ABLIM2: variants seen among roughly 807,000 people sequenced by gnomAD.
ABLIM2 encodes the protein actin-binding LIM protein 2.
A neutral mutation model predicts 97.7 loss-of-function variants in ABLIM2; 53 were observed. The observed-to-expected ratio is 0.54, with a 90% CI of 0.44 to 0.68. ABLIM2 has a LOEUF of 0.68. Among genes scored for constraint, ABLIM2 ranks in the 30% least tolerant of loss-of-function variants. The pLI is 0.00. For missense variants in ABLIM2, 835 were observed against 867.2 expected (o/e 0.96, Z 0.47); for synonymous variants, 361 against 345.8 (o/e 1.04, Z -0.49).
At chr4:8,007,567 C>T (rs1036002774) in intron 16 of ABLIM2, 72 of 986,812 alleles carry the variant, frequency 7.3e-5, no homozygotes, top group Middle Eastern at 1.0e-3. Flanking sequence ...CTTCAAAACA[C>T]CCCTAGGGTC....
chr4:8,090,720 TA>T lies in ABLIM2; in HGVS notation c.339-2437del, dbSNP rs200492022. ...TTAGATTTGTCTTTTTTTTTATTTT[TA>T]TTTTTTTGCGGGATCACAGAGCACA... On this transcript the variant is annotated intron_variant, in intron 3 of 20. Transcript: ENST00000447017. Among the ~76,000 whole-genome samples, 161 of 151,238 alleles carry T rather than the reference TA, an allele frequency of 1.1e-3. 1 individual carries two copies. Among genetic ancestry groups the T allele is most frequent in the African/African-American group, 2.8e-3 (117 of 41,204 alleles).
chr4:8,144,742 C>T (rs913914876), intron 1 of ABLIM2, among the ~76,000 whole-genome samples: 11 of 152,240 alleles, frequency 7.2e-5, no homozygotes, highest in African/African-American at 2.7e-4. Flanking sequence ...AGAGGTGACG[C>T]GGCCCACACT....
At chr4:8,039,683 G>T (rs919376935) in intron 9 of ABLIM2, among the ~76,000 whole-genome samples, 1 of 152,100 alleles carries the variant, frequency 6.6e-6, no homozygotes, top group African/African-American at 2.4e-5. Context: ...ATGGAAGAAC[G>T]TTGCTTTTAT....
intron 1 of ABLIM2, among the ~76,000 whole-genome samples, chr4:8,136,483 C>T (rs765141941): frequency 2.0e-5 from 3 of 152,220 alleles, no homozygotes; most frequent in Non-Finnish European, 4.4e-5. Context: ...CCAATAGATG[C>T]TCTCTGTACC....
chr4:8,134,474 G>C (rs1457066268), intron 1 of ABLIM2, among the ~76,000 whole-genome samples: 2 of 152,200 alleles, frequency 1.3e-5, no homozygotes, highest in East Asian at 3.9e-4. Flanking sequence ...GCCCCCGTCG[G>C]CAAGAAGAAC....
At chr4:8,053,255 C>A (rs1170353442) in intron 8 of ABLIM2, among the ~76,000 whole-genome samples, 1 of 152,236 alleles carries the variant, frequency 6.6e-6, no homozygotes, top group African/African-American at 2.4e-5. Context: ...GACCTGGAAG[C>A]CCCCTCCACG....
At chr4:7,995,179 C>T (rs1196108674) in intron 16 of ABLIM2, among the ~76,000 whole-genome samples, 1 of 152,184 alleles carries the variant, frequency 6.6e-6, no homozygotes, top group African/African-American at 2.4e-5. Context: ...GGGAAGCATT[C>T]TTAAAAGACC....
intron 20 of ABLIM2, among the ~76,000 whole-genome samples, chr4:7,967,319 C>T (rs1239564399): frequency 6.6e-6 from 1 of 152,202 alleles, no homozygotes; most frequent in Non-Finnish European, 1.5e-5. Context: ...ACACAGCACC[C>T]AGTGGTGGAG....
chr4:8,089,340 C>T (rs565255690), intron 3 of ABLIM2, among the ~76,000 whole-genome samples: 9 of 152,310 alleles, frequency 5.9e-5, no homozygotes, highest in South Asian at 4.1e-4. Context: ...AAGCTCCCAG[C>T]AGCCACCGGG....
intron 1 of ABLIM2, among the ~76,000 whole-genome samples, chr4:8,143,839 CACGGCTGCCTGT>C (rs1851386420): frequency 6.6e-6 from 1 of 152,200 alleles, no homozygotes; most frequent in Non-Finnish European, 1.5e-5. Flanking sequence ...TGTTAGAGGA[CACGGCTGCCTGT>C]CAGCCCTGGG....
chr4:8,064,159 G>A (rs1805401781), intron 6 of ABLIM2, among the ~76,000 whole-genome samples: 1 of 152,210 alleles, frequency 6.6e-6, no homozygotes, highest in Non-Finnish European at 1.5e-5. Context: ...AGCGAGACAT[G>A]CTCTTCTGCA....
intron 18 of ABLIM2, 96 bp from the exon 19 acceptor site, chr4:7,983,650 TC>T (rs1429699749): frequency 6.9e-7 from 1 of 1,454,888 alleles, no homozygotes; most frequent in Non-Finnish European, 9.5e-7. Context: ...TACCCCTGTC[TC>T]CCCCCTGCAG....
At chr4:8,047,143 G>C (rs56192722) in intron 8 of ABLIM2, among the ~76,000 whole-genome samples, 7,207 of 152,272 alleles carry the variant, frequency 0.047, 413 homozygotes, top group African/African-American at 0.14. Flanking sequence ...GCAGCAGCAG[G>C]AGGACAACCC....
At position 8,122,202 on chromosome 4, in the gene ABLIM2, T is replaced by C. The variant is rs1845782310; in HGVS notation, c.11-15565A>G. On this transcript the variant is annotated intron_variant, in intron 1 of 20. Coordinates refer to ENST00000447017, the MANE Select transcript of ABLIM2 (RefSeq NM_001130083.2). This position sits in a 1 kb window ranked among gnomAD's most constrained non-coding sequence, Gnocchi z 4.1. ...TTGACCTGGAGACACCACACCAGCC[T>C]GGATGGGGAGTCTCGCTGCCCCCTG... is the stretch of plus-strand genomic sequence containing the variant. Among the ~76,000 whole-genome samples, 1 of 152,140 alleles carries C rather than the reference T, an allele frequency of 6.6e-6. No homozygotes were observed. The highest frequency in any genetic ancestry group is 2.4e-5 in the African/African-American group (1 of 41,426).
At chr4:8,081,044 G>A (rs563664563) in intron 4 of ABLIM2, among the ~76,000 whole-genome samples, 9 of 152,306 alleles carry the variant, frequency 5.9e-5, no homozygotes, top group Non-Finnish European at 1.2e-4. Flanking sequence ...CCTGGGCTAT[G>A]AGCTGGGGAA....
chr4:7,974,430 C>A (rs546903211), intron 20 of ABLIM2, among the ~76,000 whole-genome samples: 1 of 133,852 alleles, frequency 7.5e-6, no homozygotes, highest in Non-Finnish European at 1.6e-5. Context: ...CATCCACCCA[C>A]CCTTCCACCC....
chr4:7,980,941 A>ATCTTTTTTTTTTTTTTTT (rs1483414043), intron 20 of ABLIM2, among the ~76,000 whole-genome samples: 23 of 82,974 alleles, frequency 2.8e-4, no homozygotes, highest in African/African-American at 1.0e-3. Context: ...ACAACCCCTT[A>ATCTTTTTTTTTTTTTTTT]TTTTTTTTTT....
chr4:8,046,325 G>C lies in ABLIM2; in HGVS notation c.823-1084C>G, dbSNP rs13124344. Among the ~76,000 whole-genome samples the C allele has an allele frequency of 0.29, 44,643 of 151,860 alleles. 7,165 individuals are homozygous for C. Among genetic ancestry groups the C allele is most frequent in the African/African-American group, 0.41 (16,893 of 41,376 alleles). On this transcript the variant is annotated intron_variant, in intron 8 of 20. Coordinates refer to ENST00000447017, the MANE Select transcript of ABLIM2 (RefSeq NM_001130083.2). The surrounding 1 kb of genome is among the most constrained non-coding windows in gnomAD (Gnocchi z 4.4). ...GCTGTCCCTCCCCACCTGCAGGGCA[G>C]GGGCCTCTCCTGGTTCAGCTCTCAC...
intron 13 of ABLIM2, 99 bp downstream of exon 13, chr4:8,020,103 C>A (rs375184743): frequency 2.7e-6 from 3 of 1,099,924 alleles, no homozygotes; most frequent in Admixed American, 2.4e-5. Flanking sequence ...TGTCGTCTGG[C>A]GCCTGCTGAG....
Sources: allele counts gnomAD v4.1 joint callset (sites outside exome capture counted in the v4.1 genomes callset), GRCh38; gene constraint gnomAD v4.1.1; non-coding constraint Gnocchi (gnomAD v3.1); transcripts MANE v1.5; gene names NCBI Gene and HGNC (gene_info 2026-07-23, HGNC 2026-07-21).